Variants in PPP3CC observed in about 807,000 individuals in gnomAD.
PPP3CC encodes the protein serine/threonine-protein phosphatase 2B catalytic subunit gamma isoform.
Under a neutral mutation model 60.3 loss-of-function variants are expected in PPP3CC, and 35 were observed. That is an observed-to-expected ratio of 0.58 (90% CI 0.44 to 0.77). The LOEUF (loss-of-function observed/expected upper bound fraction) is 0.77. Ranked by LOEUF, PPP3CC falls within the 30% of genes least tolerant of loss-of-function variation. The probability of loss-of-function intolerance (pLI) is 0.00; values close to 1 mark genes in which losing one functional copy is unlikely to be tolerated. For synonymous variants in PPP3CC, 206 were observed against 224.3 expected, an observed-to-expected ratio of 0.92 and a Z score of 0.73; for missense variants, 570 against 628.9, an observed-to-expected ratio of 0.91 and a Z score of 1.00.
chr8:22,536,237 G>A (rs1839842383), intron 12 of PPP3CC, among the ~76,000 whole-genome samples: 1 of 152,146 alleles, frequency 6.6e-6, no homozygotes, highest in South Asian at 2.1e-4. Context: ...TTTTTTGTGA[G>A]CAGAATATGT....
chr8:22,456,599 G>C (rs1312538772), intron 1 of PPP3CC, among the ~76,000 whole-genome samples: 2 of 152,056 alleles, frequency 1.3e-5, no homozygotes, highest in Non-Finnish European at 2.9e-5. Flanking sequence ...AGCTTGTTCA[G>C]ATTTCACCAG....
intron 4 of PPP3CC, among the ~76,000 whole-genome samples, chr8:22,506,276 A>AG (rs1172933776): frequency 6.6e-6 from 1 of 151,040 alleles, no homozygotes; most frequent in African/African-American, 2.4e-5. Flanking sequence ...TTCAAAAAAA[A>AG]AGAAGAAACA....
intron 1 of PPP3CC, among the ~76,000 whole-genome samples, chr8:22,455,108 A>AGAAAAAT (rs1214575474): frequency 6.6e-6 from 1 of 152,116 alleles, no homozygotes; most frequent in African/African-American, 2.4e-5. Flanking sequence ...ATGCTTAAGA[A>AGAAAAAT]GAAAAATGAT....
intron 1 of PPP3CC, among the ~76,000 whole-genome samples, chr8:22,470,503 A>G (rs1211413970): frequency 1.3e-5 from 2 of 152,184 alleles, no homozygotes; most frequent in Non-Finnish European, 2.9e-5. Context: ...ATTAAGAACA[A>G]AAAAGGCTTT....
In PPP3CC at chr8:22,475,494, T is replaced by C. The variant is rs1219088983; in HGVS notation, c.248-6T>C. ...TTCTCACATCACTTTATGCTTTTTT[T>C]CCTAGTATGTGGTGATATTCATGGA... On this transcript the variant is annotated splice_region_variant and splice_polypyrimidine_tract_variant and intron_variant, in intron 2 of 13. Transcript: ENST00000240139. The C allele has an allele frequency of 2.5e-6, 4 of 1,605,120 alleles. 1 individual carries two copies. The highest frequency in any genetic ancestry group is 1.1e-5 in the South Asian group (1 of 89,518).
At chr8:22,511,002 A>G in intron 4 of PPP3CC, 84 bp from the exon 5 acceptor site, 11,851 of 715,062 alleles carry the variant, frequency 0.017, no homozygotes, top group Non-Finnish European at 0.025. Flanking sequence ...GCTCTAAAGT[A>G]GCTTCATATT....
At chr8:22,519,979 C>T (rs1306575781) in intron 6 of PPP3CC, among the ~76,000 whole-genome samples, 2 of 152,144 alleles carry the variant, frequency 1.3e-5, no homozygotes, top group Non-Finnish European at 2.9e-5. Context: ...TCTACTTGAA[C>T]TTCCTTTAGT....
At chr8:22,493,386 A>G (rs1180261554) in intron 3 of PPP3CC, among the ~76,000 whole-genome samples, 1 of 152,138 alleles carries the variant, frequency 6.6e-6, no homozygotes, top group Non-Finnish European at 1.5e-5. Context: ...CAAAAAAAAA[A>G]AAAGATTTTT....
chr8:22,526,718 T>C (rs1839570747), intron 8 of PPP3CC, among the ~76,000 whole-genome samples: 1 of 152,184 alleles, frequency 6.6e-6, no homozygotes, highest in Non-Finnish European at 1.5e-5. Flanking sequence ...ACTTTCAAAA[T>C]ATAAAGAAAA....
intron 3 of PPP3CC, among the ~76,000 whole-genome samples, chr8:22,497,568 ATAGTTT>A (rs1288227101): frequency 2.0e-5 from 3 of 152,056 alleles, no homozygotes; most frequent in Non-Finnish European, 4.4e-5. Flanking sequence ...GCAAATAGAG[ATAGTTT>A]TATTTTTTCT....
chr8:22,539,378 C>G, intron 12 of PPP3CC, 91 bp from the exon 13 acceptor site: 1 of 1,421,712 alleles, frequency 7.0e-7, no homozygotes, highest in Non-Finnish European at 9.7e-7. Context: ...AAACGGGCCC[C>G]TGGGATGGCT....
intron 1 of PPP3CC, among the ~76,000 whole-genome samples, chr8:22,451,967 G>A (rs191017291): frequency 1.3e-4 from 19 of 150,742 alleles, no homozygotes; most frequent in Admixed American, 3.3e-4. Context: ...CATACTTGTC[G>A]TCCTAGAATG....
intron 1 of PPP3CC, among the ~76,000 whole-genome samples, chr8:22,454,178 CCTTATT>C (rs1441524548): frequency 7.2e-5 from 11 of 152,210 alleles, no homozygotes; most frequent in African/African-American, 1.9e-4. Context: ...TCTTTCATAT[CCTTATT>C]CTTATAAGCT....
Position 22,450,667 on chromosome 8 carries a change from C to G in PPP3CC, c.49+9209C>G, listed in dbSNP as rs892316977. On this transcript the variant is annotated intron_variant, in intron 1 of 13. Transcript: ENST00000240139. ...CAAGGGTCATTCTTGTGCTCAAAAT[C>G]CTTCATGAGCACTTCCTGCCTGTGG... 9.2e-5 allele frequency among the ~76,000 whole-genome samples: 14 copies of G among 152,198 alleles called. 1 individual carries two copies.
chr8:22,496,875 A>G (rs942158402), intron 3 of PPP3CC, among the ~76,000 whole-genome samples: 2 of 152,016 alleles, frequency 1.3e-5, no homozygotes, highest in African/African-American at 4.8e-5. Flanking sequence ...GTCTACTTTT[A>G]TGTCTTATAG....
At chr8:22,509,596 T>A (rs1839023470) in intron 4 of PPP3CC, among the ~76,000 whole-genome samples, 1 of 152,228 alleles carries the variant, frequency 6.6e-6, no homozygotes, top group African/African-American at 2.4e-5. Flanking sequence ...TGACTTTTCC[T>A]TTCCAGAGAT....
intron 1 of PPP3CC, among the ~76,000 whole-genome samples, chr8:22,457,213 T>C (rs1837229892): frequency 6.6e-6 from 1 of 151,352 alleles, no homozygotes; most frequent in African/African-American, 2.4e-5. Context: ...CCTTTTAGTA[T>C]ACCTTCTATT....
intron 6 of PPP3CC, 120 bp from the exon 7 acceptor site, chr8:22,522,371 G>A (rs1191942624): frequency 5.8e-6 from 4 of 690,356 alleles, no homozygotes; most frequent in African/African-American, 1.8e-5. Flanking sequence ...AATTTCAGTA[G>A]TGTGTAATAC....
intron 1 of PPP3CC, among the ~76,000 whole-genome samples, chr8:22,452,227 A>G (rs1837054949): frequency 6.6e-6 from 1 of 151,888 alleles, no homozygotes; most frequent in South Asian, 2.1e-4. Flanking sequence ...TTTTGTAGTG[A>G]CAGGGTCTTG....
Sources: allele counts gnomAD v4.1 joint callset (sites outside exome capture counted in the v4.1 genomes callset), GRCh38; gene constraint gnomAD v4.1.1; transcripts MANE v1.5; gene names NCBI Gene and HGNC (gene_info 2026-07-23, HGNC 2026-07-21).